The following CSMD1 variants were observed in gnomAD, a reference collection of about 807,000 sequenced individuals.
The protein encoded by CSMD1 is CUB and Sushi multiple domains 1.
CSMD1 carries 213 observed loss-of-function variants against 417.5 expected under a neutral mutation model. The ratio of observed to expected loss-of-function variants is 0.51; its 90% CI spans 0.46 to 0.57. The LOEUF (loss-of-function observed/expected upper bound fraction) is 0.57, where lower values mean the gene tolerates loss of function less well. CSMD1 is among the 20% of genes least tolerant of loss of function. CSMD1 has a pLI of 0.00. For synonymous variants in CSMD1, 2,862 were observed against 1,736.8 expected, an observed-to-expected ratio of 1.65 and a Z score of -16.11; for missense variants, 6,923 against 4,529.7, an observed-to-expected ratio of 1.53 and a Z score of -15.17.
intron 4 of CSMD1, among the ~76,000 whole-genome samples, chr8:4,025,105 G>T (rs1044742289): frequency 6.6e-6 from 1 of 152,186 alleles, no homozygotes; most frequent in Admixed American, 6.5e-5. Flanking sequence ...AATAAAAGGG[G>T]ACACCGAAGG....
intron 5 of CSMD1, among the ~76,000 whole-genome samples, chr8:3,939,084 C>T (rs1418697777): frequency 6.6e-6 from 1 of 152,000 alleles, no homozygotes; most frequent in African/African-American, 2.4e-5. Flanking sequence ...AATAAATCTC[C>T]TAAGATGCAT....
intron 3 of CSMD1, among the ~76,000 whole-genome samples, chr8:4,414,547 C>G (rs192295882): frequency 1.3e-5 from 2 of 152,056 alleles, no homozygotes; most frequent in African/African-American, 4.8e-5. Flanking sequence ...TAATAAACTA[C>G]GATCCATACT....
chr8:4,353,939 A>G (rs1461235098), intron 3 of CSMD1, among the ~76,000 whole-genome samples: 1 of 152,186 alleles, frequency 6.6e-6, no homozygotes, highest in Non-Finnish European at 1.5e-5. Context: ...GAGGTATATT[A>G]GGGAACTTCA....
intron 1 of CSMD1, among the ~76,000 whole-genome samples, chr8:4,771,682 C>T: frequency 6.6e-6 from 1 of 152,176 alleles, no homozygotes; most frequent in East Asian, 1.9e-4. Flanking sequence ...AAAGTAAAAA[C>T]TTCACCCGTG....
At chr8:3,382,838 T>C (rs1486419572) in intron 18 of CSMD1, among the ~76,000 whole-genome samples, 1 of 152,006 alleles carries the variant, frequency 6.6e-6, no homozygotes, top group Non-Finnish European at 1.5e-5. Context: ...AGTGTGCATA[T>C]AGCAAAATTG....
At chr8:4,019,419 T>C (rs1384246752) in intron 4 of CSMD1, among the ~76,000 whole-genome samples, 2 of 152,172 alleles carry the variant, frequency 1.3e-5, no homozygotes, top group African/African-American at 2.4e-5. Flanking sequence ...AGCTTCCCTA[T>C]CTTCATGTAC....
chr8:3,106,222 CAA>C (rs71199537), intron 46 of CSMD1, among the ~76,000 whole-genome samples: 14 of 126,232 alleles, frequency 1.1e-4, no homozygotes, highest in African/African-American at 3.8e-4. Flanking sequence ...CCCATTTCTA[CAA>C]AAAAAAAAAA....
intron 3 of CSMD1, among the ~76,000 whole-genome samples, chr8:4,191,134 T>C (rs1217297837): frequency 6.6e-6 from 1 of 152,152 alleles, no homozygotes; most frequent in East Asian, 1.9e-4. Context: ...AGGTAGCTCA[T>C]GCCTGTAATC....
Position 3,276,850 on chromosome 8 carries a change from T to C in CSMD1, c.4153+7294A>G, listed in dbSNP as rs112784150. Among the ~76,000 whole-genome samples the C allele has an allele frequency of 3.4e-3, 515 of 152,268 alleles. 7 individuals are homozygous for C. Among genetic ancestry groups the C allele is most frequent in the African/African-American group, 0.012 (501 of 41,544 alleles). On this transcript the variant is annotated intron_variant, in intron 26 of 69. Coordinates refer to ENST00000635120, the MANE Select transcript of CSMD1 (RefSeq NM_033225.6). Reference sequence around the variant, plus strand: ...CTAATTAGCAGACACTTGTTGGATATTGATTATATGTCATGTTCTAGGAAA... The same window carrying C: ...CTAATTAGCAGACACTTGTTGGATACTGATTATATGTCATGTTCTAGGAAA...
chr8:3,375,795 G>A (rs1046249658), intron 18 of CSMD1, among the ~76,000 whole-genome samples: 3 of 152,222 alleles, frequency 2.0e-5, no homozygotes, highest in African/African-American at 7.2e-5. Context: ...TATGGCCATA[G>A]ACCAGCACTC....
chr8:4,154,273 A>G (rs1439855964), intron 3 of CSMD1, among the ~76,000 whole-genome samples: 5 of 92,298 alleles, frequency 5.4e-5, no homozygotes, highest in Admixed American at 4.5e-4. Flanking sequence ...ATGCTAAAAA[A>G]TAAATAAATA....
chr8:3,884,912 AAT>A (rs35616416), intron 5 of CSMD1, among the ~76,000 whole-genome samples: 9,632 of 145,576 alleles, frequency 0.066, 985 homozygotes, highest in African/African-American at 0.22. Context: ...AGGCCTTCTA[AAT>A]ATATATATAT....
chr8:4,264,395 CCA>C (rs1804097388), intron 3 of CSMD1, among the ~76,000 whole-genome samples: 1 of 152,150 alleles, frequency 6.6e-6, no homozygotes, highest in Non-Finnish European at 1.5e-5. Flanking sequence ...CAAGAAACAT[CCA>C]CAGAGGTTGC....
At chr8:3,823,761 T>C (rs999539008) in intron 5 of CSMD1, among the ~76,000 whole-genome samples, 4 of 152,180 alleles carry the variant, frequency 2.6e-5, no homozygotes, top group African/African-American at 9.6e-5. Context: ...TGTTTTTCTC[T>C]AAAATACTTT....
At chr8:4,281,585 G>T (rs1221291040) in intron 3 of CSMD1, among the ~76,000 whole-genome samples, 1 of 152,028 alleles carries the variant, frequency 6.6e-6, no homozygotes, top group African/African-American at 2.4e-5. Flanking sequence ...TCTGTTTTTT[G>T]AATCTAAGAA....
chr8:2,962,415 C>T, intron 61 of CSMD1, 51 bp downstream of exon 61: 1 of 1,516,730 alleles, frequency 6.6e-7, no homozygotes, highest in Non-Finnish European at 9.0e-7. Context: ...ATGAAGCGTC[C>T]TCATCTCCAA....
intron 1 of CSMD1, among the ~76,000 whole-genome samples, chr8:4,983,054 C>G (rs10087096): frequency 0.011 from 1,662 of 152,056 alleles, 28 homozygotes; most frequent in African/African-American, 0.037. Flanking sequence ...TTATTGTCAC[C>G]AGAAGAAAAA....
intron 2 of CSMD1, among the ~76,000 whole-genome samples, chr8:4,458,762 G>A (rs1799635711): frequency 6.6e-6 from 1 of 152,090 alleles, no homozygotes; most frequent in African/African-American, 2.4e-5. Flanking sequence ...AACATTTTAT[G>A]CATTGAATAA....
Position 4,236,026 on chromosome 8 carries a change from G to GCTTTTTTTTTTTTTTTTTTT in CSMD1, c.415+183926_415+183927insAAAAAAAAAAAAAAAAAAAG, listed in dbSNP as rs1420352173. ...GTGAGCAAAGAGGTTAATGGATATT[G>GCTTTTTTTTTTTTTTTTTTT]TTTTTTTTGTTTGTTTTTTTTTTTT... is the stretch of plus-strand genomic sequence containing the variant. On this transcript the variant is annotated intron_variant, in intron 3 of 69. Transcript: ENST00000635120. Among the ~76,000 whole-genome samples, 7 of 108,084 alleles carry GCTTTTTTTTTTTTTTTTTTT rather than the reference G, an allele frequency of 6.5e-5. 1 individual carries two copies. The highest frequency in any genetic ancestry group is 1.1e-4 in the Admixed American group (1 of 9,400). The allele number at this position is 108,084 out of a possible 152,430, so 70.9% of individuals were successfully genotyped here.
Sources: allele counts gnomAD v4.1 joint callset (sites outside exome capture counted in the v4.1 genomes callset), GRCh38; gene constraint gnomAD v4.1.1; transcripts MANE v1.5; gene names NCBI Gene and HGNC (gene_info 2026-07-23, HGNC 2026-07-21).